The following WEE2 variants were observed in gnomAD, a reference collection of about 807,000 sequenced individuals.
WEE2 encodes WEE2 oocyte meiosis inhibiting kinase.
WEE2 carries 50 observed loss-of-function variants against 60.1 expected under a neutral mutation model. The ratio of observed to expected loss-of-function variants is 0.83; its 90% CI spans 0.66 to 1.05. The LOEUF (loss-of-function observed/expected upper bound fraction) is 1.05. Ranked by LOEUF, WEE2 falls within the 50% of genes least tolerant of loss-of-function variation. WEE2 has a pLI of 0.00. For missense variants in WEE2, 631 were observed against 684.3 expected (o/e 0.92, Z 0.87); for synonymous variants, 240 against 241.0 (o/e 1.00, Z 0.04).
Position 141,715,591 on chromosome 7 carries a change from G to A in WEE2, c.540-631G>A, listed in dbSNP as rs996699437. Among the ~76,000 whole-genome samples the A allele has an allele frequency of 3.9e-5, 6 of 152,278 alleles. 1 individual carries two copies. The highest frequency in any genetic ancestry group is 1.3e-4 in the Admixed American group (2 of 15,300). ...TGCATGGCAAAGAGGATGTCTGCTGGTCACTTAGCTTATCGAAGAGTAATT... is the reference window on the plus strand; with the variant it reads ...TGCATGGCAAAGAGGATGTCTGCTGATCACTTAGCTTATCGAAGAGTAATT... On this transcript the variant is annotated intron_variant, in intron 2 of 11. Transcript: ENST00000397541.
At chr7:141,729,004 C>T (rs1256859570) in intron 10 of WEE2, among the ~76,000 whole-genome samples, 1 of 152,154 alleles carries the variant, frequency 6.6e-6, no homozygotes, top group Non-Finnish European at 1.5e-5. Context: ...GGTTGGGGAC[C>T]GCTGGTCTAG....
Position 141,708,520 on chromosome 7 carries a change from G to A in WEE2, c.-239G>A, listed in dbSNP as rs1798655992. The A allele has an allele frequency of 3.6e-6, 2 of 557,536 alleles. No individual in the cohort carries two copies. The highest frequency in any genetic ancestry group is 3.1e-5 in the Admixed American group (1 of 32,220). The allele number at this position is 557,536 out of a possible 1,614,324, so 34.5% of individuals were successfully genotyped here. ...TGAACTGCATTTAATTGCTCCGAGA[G>A]TCACTGGAGCTTTCTTTAATCAGAA... is the stretch of plus-strand genomic sequence containing the variant. On this transcript the variant is annotated 5_prime_UTR_variant, in exon 1 of 12. Coordinates refer to ENST00000397541, the MANE Select transcript of WEE2 (RefSeq NM_001105558.1).
chr7:141,724,018 T>C lies in WEE2; in HGVS notation c.1105T>C (p.Phe369Leu). 6.2e-7 allele frequency: 1 copy of C among 1,613,518 alleles called. No homozygotes were observed. Among genetic ancestry groups the C allele is most frequent in the Non-Finnish European group, 8.5e-7 (1 of 1,179,752 alleles). Residue 369 changes from phenylalanine to leucine, a missense_variant, in exon 7 of 12, where the codon TTT becomes CTT. Transcript: ENST00000397541. ...AGAAGTTGAAAATGAAGCTGATTGG[T>C]TTCTCTCTGCCAATGTGATGTATAA... is the stretch of plus-strand genomic sequence containing the variant. ...IEEVENEADWFLSANVMYKIG... is the reference protein window; with the variant it reads ...IEEVENEADWLLSANVMYKIG...
intron 11 of WEE2, among the ~76,000 whole-genome samples, chr7:141,729,880 C>T (rs953876499): frequency 6.6e-6 from 1 of 151,558 alleles, no homozygotes; most frequent in Non-Finnish European, 1.5e-5. Flanking sequence ...CCCAGCTACT[C>T]AGGAGGCTGA....
At position 141,730,434 on chromosome 7, in the gene WEE2, G is replaced by A. The variant is rs1799119255; in HGVS notation, c.*114G>A. The A allele has an allele frequency of 7.2e-6, 7 of 970,752 alleles. No individual in the cohort carries two copies. Among genetic ancestry groups the A allele is most frequent in the Non-Finnish European group, 1.1e-5 (7 of 637,160 alleles). The allele number at this position is 970,752 out of a possible 1,614,324, so 60.1% of individuals were successfully genotyped here. On this transcript the variant is annotated 3_prime_UTR_variant, in exon 12 of 12. Coordinates refer to ENST00000397541, the MANE Select transcript of WEE2 (RefSeq NM_001105558.1). ...TGTACATAGAAAGGAATAGAATTTA[G>A]TTTAGAGTTGAAGTCACAGCTTACA...
Position 141,711,888 on chromosome 7 carries a change from C to T in WEE2, c.343-2321C>T, listed in dbSNP as rs1477047076. The T allele has an allele frequency of 1.3e-5, 2 of 152,136 alleles. No individual in the cohort carries two copies. The highest frequency in any genetic ancestry group is 2.9e-5 in the Non-Finnish European group (2 of 68,056). 9.4% of individuals were successfully genotyped at this position (152,136 alleles called of 1,614,324 possible). ...TTACATGGTGAGAGAAAAAGTGAGA[C>T]AGTGGAAGCAAGACAGGAAGGAAGT... On this transcript the variant is annotated intron_variant, in intron 1 of 11. Transcript: ENST00000397541. This position sits in a 1 kb window ranked among gnomAD's most constrained non-coding sequence, Gnocchi z 4.2.
chr7:141,714,289 T>TC lies in WEE2; in HGVS notation c.427dup (p.Leu143ProfsTer4). 6.2e-7 allele frequency: 1 copy of TC among 1,613,910 alleles called. No homozygotes were observed. Among genetic ancestry groups the TC allele is most frequent in the Non-Finnish European group, 8.5e-7 (1 of 1,179,866 alleles). On this transcript the variant is annotated frameshift_variant, in exon 2 of 12. Transcript: ENST00000397541. LOFTEE classifies it high-confidence loss of function. ...CTAAGCATTTGAAGCTCACACCTGC[T>TC]CCCCTCAAGGATGAGATGACCTCAT...
Position 141,709,020 on chromosome 7 carries a change from C to G in WEE2, c.262C>G (p.Pro88Ala). 1 of 1,614,050 alleles carries G rather than the reference C, an allele frequency of 6.2e-7. No individual in the cohort carries two copies. The highest frequency in any genetic ancestry group is 8.5e-7 in the Non-Finnish European group (1 of 1,180,000). The change falls in exon 1 of 12, where the codon CCT (proline) becomes GCT (alanine). Residue 88 changes from proline (P) to alanine (A), a missense_variant. Pro to Ala is a conservative substitution (Grantham distance 27, BLOSUM62 -1). Transcript: ENST00000397541. ...GATTTTGAGGACTCCAGTGTCACAC[C>G]CTCTCAAATGTCCTGAGACACCAGC... ...DQILRTPVSH[P>A]LKCPETPAQP...
At chr7:141,718,186 A>G (rs1798842055) in intron 3 of WEE2, among the ~76,000 whole-genome samples, 2 of 152,124 alleles carry the variant, frequency 1.3e-5, no homozygotes, top group Admixed American at 1.3e-4. Flanking sequence ...TCAAACTCAT[A>G]AAGTTGGAGA....
intron 9 of WEE2, among the ~76,000 whole-genome samples, chr7:141,725,397 A>G (rs1283578480): frequency 6.6e-6 from 1 of 152,078 alleles, no homozygotes; most frequent in Non-Finnish European, 1.5e-5. Context: ...GAGGCCGAGG[A>G]GGGTGGACCA....
At chr7:141,724,558 G>T (rs1798977382) in intron 8 of WEE2, among the ~76,000 whole-genome samples, 1 of 152,118 alleles carries the variant, frequency 6.6e-6, no homozygotes, top group African/African-American at 2.4e-5. Context: ...TACTAAGAAG[G>T]AAGCCTTTTC....
intron 5 of WEE2, 113 bp downstream of exon 5, chr7:141,721,169 A>G: frequency 7.8e-7 from 1 of 1,286,354 alleles, no homozygotes; most frequent in East Asian, 2.3e-5. Flanking sequence ...GATATACCTA[A>G]AAAGTCTGTA....
At position 141,711,530 on chromosome 7, in the gene WEE2, T is replaced by C. The variant is rs1351868840; in HGVS notation, c.342+2430T>C. Among the ~76,000 whole-genome samples the C allele has an allele frequency of 2.0e-5, 3 of 152,112 alleles. No homozygotes were observed. Among genetic ancestry groups the C allele is most frequent in the Non-Finnish European group, 4.4e-5 (3 of 68,018 alleles). ...CTTGTCCAAGGGATGGAACCAAAAA[T>C]CATGTGAAATTCAGTTCACTGTAAG... On this transcript the variant is annotated intron_variant, in intron 1 of 11. Coordinates refer to ENST00000397541, the MANE Select transcript of WEE2 (RefSeq NM_001105558.1). This position sits in a 1 kb window ranked among gnomAD's most constrained non-coding sequence, Gnocchi z 4.2.
At chr7:141,713,846 G>A (rs1470871055) in intron 1 of WEE2, among the ~76,000 whole-genome samples, 4 of 152,192 alleles carry the variant, frequency 2.6e-5, no homozygotes, top group Non-Finnish European at 5.9e-5. Context: ...TAAAGCATAA[G>A]CTCTGAGAAT....
At chr7:141,716,893 G>A (rs1798808692) in intron 3 of WEE2, among the ~76,000 whole-genome samples, 1 of 152,068 alleles carries the variant, frequency 6.6e-6, no homozygotes, top group African/African-American at 2.4e-5. Context: ...CACAATCTTT[G>A]ATCCATCCCT....
At chr7:141,715,049 T>G (rs1428308610) in intron 2 of WEE2, among the ~76,000 whole-genome samples, 1 of 152,238 alleles carries the variant, frequency 6.6e-6, no homozygotes, top group Non-Finnish European at 1.5e-5. Context: ...TATGTTCATA[T>G]GTACTCAGCG....
Position 141,728,712 on chromosome 7 carries a change from GTGGCCTGT to G in WEE2, c.1536-817_1536-810del, listed in dbSNP as rs1563018073. ...CTGGGCCATGGACCAGTACCAGTCT[GTGGCCTGT>G]TAGGAACCGGACTGCATGGCAGGAG... On this transcript the variant is annotated intron_variant, in intron 10 of 11. Coordinates refer to ENST00000397541, the MANE Select transcript of WEE2 (RefSeq NM_001105558.1). Among the ~76,000 whole-genome samples the G allele has an allele frequency of 1.3e-3, 196 of 152,322 alleles. 2 individuals are homozygous for G. Among genetic ancestry groups the G allele is most frequent in the African/African-American group, 4.5e-3 (189 of 41,570 alleles).
At chr7:141,716,843 T>G (rs1037256754) in intron 3 of WEE2, among the ~76,000 whole-genome samples, 6 of 152,158 alleles carry the variant, frequency 3.9e-5, no homozygotes, top group Non-Finnish European at 8.8e-5. Context: ...TATGTAAAAT[T>G]TTAGCTCTTA....
At chr7:141,723,033 C>A in intron 5 of WEE2, 101 bp from the exon 6 acceptor site, 1 of 1,474,396 alleles carries the variant, frequency 6.8e-7, no homozygotes, top group South Asian at 1.3e-5. Flanking sequence ...GCAGGAGGTC[C>A]TGGAACTAAT....
Sources: gnomAD v4.1 joint callset for allele counts (sites outside exome capture counted in the v4.1 genomes callset) on GRCh38, gnomAD v4.1.1 for gene constraint, Gnocchi (gnomAD v3.1) non-coding constraint, MANE v1.5 for transcripts, NCBI Gene and HGNC (gene_info 2026-07-23, HGNC 2026-07-21) for gene names.